The following SLMAP variants were observed in gnomAD, a reference collection of about 807,000 sequenced individuals.
SLMAP encodes sarcolemma associated protein, also known as sarcolemmal membrane-associated protein.
A neutral mutation model predicts 128.8 loss-of-function variants in SLMAP; 44 were observed. That is an observed-to-expected ratio of 0.34 (90% CI 0.27 to 0.44). The LOEUF (loss-of-function observed/expected upper bound fraction) is 0.44, where lower values mean the gene tolerates loss of function less well. Among genes scored for constraint, SLMAP ranks in the 20% least tolerant of loss-of-function variants. SLMAP has a pLI of 1.00. For missense variants in SLMAP, 787 were observed against 985.3 expected, an observed-to-expected ratio of 0.80 and a Z score of 2.69; for synonymous variants, 327 against 348.8, an observed-to-expected ratio of 0.94 and a Z score of 0.70.
intron 2 of SLMAP, among the ~76,000 whole-genome samples, chr3:57,795,546 GAA>G (rs2086532309): frequency 1.3e-5 from 2 of 151,682 alleles, no homozygotes; most frequent in African/African-American, 4.8e-5. Context: ...CTCAGAAAAA[GAA>G]AAAAAGAAAA....
intron 15 of SLMAP, 136 bp downstream of exon 15, chr3:57,890,236 C>A: frequency 1.5e-6 from 1 of 664,862 alleles, no homozygotes; most frequent in Non-Finnish European, 2.5e-6. Context: ...GTAACAGTAT[C>A]AGATAATATA....
chr3:57,877,922 C>T (rs1186331799), intron 14 of SLMAP, among the ~76,000 whole-genome samples: 1 of 150,710 alleles, frequency 6.6e-6, no homozygotes, highest in East Asian at 1.9e-4. Flanking sequence ...GCAACCTCCA[C>T]CTCCTGGGTT....
intron 2 of SLMAP, among the ~76,000 whole-genome samples, chr3:57,822,387 A>G (rs2092593394): frequency 6.6e-6 from 1 of 151,980 alleles, no homozygotes; most frequent in African/African-American, 2.4e-5. Context: ...TCAGTTTCTT[A>G]ATCTGATGCC....
chr3:57,790,936 A>T (rs1474217506), intron 2 of SLMAP, among the ~76,000 whole-genome samples: 1 of 152,216 alleles, frequency 6.6e-6, no homozygotes, highest in Non-Finnish European at 1.5e-5. Context: ...GGATATACTG[A>T]AATATATATG....
At chr3:57,863,089 A>G (rs2095163231) in intron 10 of SLMAP, among the ~76,000 whole-genome samples, 1 of 152,208 alleles carries the variant, frequency 6.6e-6, no homozygotes, top group South Asian at 2.1e-4. Context: ...GGCAGGGCCC[A>G]GCTATTTAGT....
chr3:57,922,399 G>A (rs1209128301), intron 22 of SLMAP, among the ~76,000 whole-genome samples: 1 of 150,214 alleles, frequency 6.7e-6, no homozygotes, highest in Non-Finnish European at 1.5e-5. Context: ...TTCTTACATG[G>A]AATAAAGTCA....
intron 14 of SLMAP, among the ~76,000 whole-genome samples, chr3:57,877,035 A>G (rs1417868381): frequency 2.0e-5 from 3 of 150,826 alleles, no homozygotes; most frequent in Non-Finnish European, 4.4e-5. Flanking sequence ...ATGCCTTTGT[A>G]TTCTTTTTTT....
intron 18 of SLMAP, among the ~76,000 whole-genome samples, chr3:57,908,538 T>C (rs2096620788): frequency 6.6e-6 from 1 of 152,212 alleles, no homozygotes; most frequent in Admixed American, 6.5e-5. Flanking sequence ...TCCTGCCTAG[T>C]AGGAAGATTT....
At chr3:57,859,700 A>T (rs549137600) in intron 8 of SLMAP, among the ~76,000 whole-genome samples, 1 of 152,246 alleles carries the variant, frequency 6.6e-6, no homozygotes, top group South Asian at 2.1e-4. Flanking sequence ...GACATTGGAG[A>T]CTCAGAAGTT....
At chr3:57,792,034 A>G (rs2085580265) in intron 2 of SLMAP, among the ~76,000 whole-genome samples, 1 of 152,150 alleles carries the variant, frequency 6.6e-6, no homozygotes, top group Admixed American at 6.5e-5. Context: ...ATCTGTAAGT[A>G]TCTTACTTAA....
chr3:57,770,050 A>G (rs2080515841), intron 2 of SLMAP, among the ~76,000 whole-genome samples: 1 of 152,234 alleles, frequency 6.6e-6, no homozygotes, highest in South Asian at 2.1e-4. Flanking sequence ...AAGTATTGTT[A>G]GGATGAACTG....
At chr3:57,784,761 G>A (rs924923969) in intron 2 of SLMAP, among the ~76,000 whole-genome samples, 5 of 152,124 alleles carry the variant, frequency 3.3e-5, no homozygotes, top group Non-Finnish European at 7.4e-5. Context: ...TTCATGTGTT[G>A]GAAACTTAAT....
rs1482516947 is a variant in SLMAP at position 57,908,985 on chromosome 3, G to A, written c.1625-91G>A. On this transcript the variant is annotated intron_variant, in intron 18 of 24. Coordinates refer to ENST00000671191, the MANE Select transcript of SLMAP (RefSeq NM_001377540.1). ...TGTTTCTTTCAATAATCTTTTAGGA[G>A]AGAATTTTAAAAGAAATTTTCAGCT... The A allele has an allele frequency of 3.5e-6, 3 of 856,120 alleles. No individual in the cohort carries two copies. In the Admixed American group the frequency reaches 7.1e-5, roughly 20 times the overall value. The allele number at this position is 856,120 out of a possible 1,614,324, so 53.0% of individuals were successfully genotyped here.
chr3:57,808,766 A>G (rs958852558), intron 2 of SLMAP, among the ~76,000 whole-genome samples: 16 of 152,212 alleles, frequency 1.1e-4, no homozygotes, highest in African/African-American at 2.7e-4. Context: ...ATAGAAGTCT[A>G]TTAGGTCCAC....
intron 2 of SLMAP, among the ~76,000 whole-genome samples, chr3:57,812,946 A>G (rs1406558189): frequency 6.6e-6 from 1 of 152,006 alleles, no homozygotes; most frequent in African/African-American, 2.4e-5. Context: ...TAGAAATGCA[A>G]CTGATTTTCC....
chr3:57,861,560 A>C (rs1179635402), intron 9 of SLMAP, among the ~76,000 whole-genome samples: 1 of 151,698 alleles, frequency 6.6e-6, no homozygotes, highest in Non-Finnish European at 1.5e-5. Flanking sequence ...AAAGTTACTA[A>C]GTGTCTTTTA....
At chr3:57,870,873 T>C (rs903153799) in intron 13 of SLMAP, among the ~76,000 whole-genome samples, 2 of 152,224 alleles carry the variant, frequency 1.3e-5, no homozygotes, top group Non-Finnish European at 2.9e-5. Flanking sequence ...TTAAAGGACA[T>C]TATCCAGATT....
chr3:57,892,904 G>A (rs2096127916), intron 15 of SLMAP, among the ~76,000 whole-genome samples: 1 of 147,654 alleles, frequency 6.8e-6, no homozygotes, highest in Non-Finnish European at 1.5e-5. Flanking sequence ...CTCAATCTCG[G>A]CTCACTGCAA....
chr3:57,817,464 G>A (rs191129576), intron 2 of SLMAP, among the ~76,000 whole-genome samples: 7 of 152,328 alleles, frequency 4.6e-5, no homozygotes, highest in Admixed American at 4.6e-4. Flanking sequence ...GGTTGTAGAT[G>A]TTACAGTCAT....
Sources: gnomAD v4.1 joint callset for allele counts (sites outside exome capture counted in the v4.1 genomes callset) on GRCh38, gnomAD v4.1.1 for gene constraint, MANE v1.5 for transcripts, NCBI Gene and HGNC (gene_info 2026-07-23, HGNC 2026-07-21) for gene names.